Variants in NDUFAF6 observed in about 807,000 individuals in gnomAD.
NDUFAF6 encodes the protein NADH dehydrogenase (ubiquinone) complex I, assembly factor 6.
A neutral mutation model predicts 40.8 loss-of-function variants in NDUFAF6; 45 were observed. That is an observed-to-expected ratio of 1.10 (90% CI 0.87 to 1.42). NDUFAF6 has a LOEUF of 1.42. Among genes scored for constraint, NDUFAF6 ranks in the 40% most tolerant of loss-of-function variants. The probability of loss-of-function intolerance (pLI) is 0.00; values close to 1 mark genes in which losing one functional copy is unlikely to be tolerated. For synonymous variants in NDUFAF6, 185 were observed against 155.9 expected (o/e 1.19, Z -1.39); for missense variants, 435 against 418.5 (o/e 1.04, Z -0.34).
At chr8:95,083,751 G>T (rs1808950519) in intron 2 of NDUFAF6, among the ~76,000 whole-genome samples, 1 of 152,144 alleles carries the variant, frequency 6.6e-6, no homozygotes, top group Non-Finnish European at 1.5e-5. Context: ...ATGATCATAG[G>T]TGGTATTTCT....
upstream of NDUFAF6, among the ~76,000 whole-genome samples, chr8:94,956,279 A>T (rs1323178525): frequency 6.6e-6 from 1 of 152,238 alleles, no homozygotes; most frequent in Non-Finnish European, 1.5e-5. Flanking sequence ...CGTTTGGGCA[A>T]GTGCTATATA....
At chr8:94,930,517 C>T (rs1173056121) in intron 1 of NDUFAF6, 1 of 1,614,194 alleles carries the variant, frequency 6.2e-7, no homozygotes, top group Admixed American at 1.7e-5. Context: ...TGATGAACAA[C>T]CCAGCCATTG....
intron 2 of NDUFAF6, among the ~76,000 whole-genome samples, chr8:95,091,838 G>T (rs559318786): frequency 6.9e-6 from 1 of 144,036 alleles, no homozygotes; most frequent in South Asian, 2.3e-4. Context: ...CAGGGATCTC[G>T]TATGTTGCCC....
At chr8:95,030,123 G>C (rs1038518425) in intron 1 of NDUFAF6, among the ~76,000 whole-genome samples, 1 of 151,848 alleles carries the variant, frequency 6.6e-6, no homozygotes, top group African/African-American at 2.4e-5. Context: ...TTAGTAGTAG[G>C]CATTGTATTG....
At chr8:95,031,466 TTAAAATTA>T (rs1828830264) in intron 1 of NDUFAF6, among the ~76,000 whole-genome samples, 1 of 152,218 alleles carries the variant, frequency 6.6e-6, no homozygotes, top group African/African-American at 2.4e-5. Flanking sequence ...TCTGAAACAG[TTAAAATTA>T]TAAGTACTAC....
intron 1 of NDUFAF6, among the ~76,000 whole-genome samples, chr8:94,980,327 A>T (rs964883532): frequency 2.6e-5 from 4 of 151,438 alleles, no homozygotes; most frequent in African/African-American, 9.7e-5. Flanking sequence ...CATAAGAAAC[A>T]GTTTGTGGGA....
At chr8:94,950,501 G>A (rs1489043305) in intron 2 of NDUFAF6, 2 of 152,244 alleles carry the variant, frequency 1.3e-5, no homozygotes, top group East Asian at 3.8e-4. Flanking sequence ...CTCACATTCT[G>A]ACCCTCACAA....
At chr8:95,033,171 T>C (rs77257477) in intron 2 of NDUFAF6, among the ~76,000 whole-genome samples, 18,611 of 152,134 alleles carry the variant, frequency 0.12, 1,218 homozygotes, top group Middle Eastern at 0.23. Flanking sequence ...GCCTCCCAAG[T>C]AGCTGGAACT....
chr8:95,092,958 C>T (rs12548426), intron 2 of NDUFAF6, among the ~76,000 whole-genome samples: 106,980 of 152,158 alleles, frequency 0.7, 38,396 homozygotes, highest in East Asian at 0.89. Flanking sequence ...AAAATAAAAC[C>T]GGTTTCTCTA....
At chr8:94,942,130 G>A (rs531460365) in intron 1 of NDUFAF6, among the ~76,000 whole-genome samples, 7 of 151,612 alleles carry the variant, frequency 4.6e-5, no homozygotes, top group East Asian at 1.9e-4. Flanking sequence ...TCTGCCTCCC[G>A]GGTTCACGCC....
chr8:94,942,243 T>C (rs995419815), intron 1 of NDUFAF6, among the ~76,000 whole-genome samples: 1 of 152,026 alleles, frequency 6.6e-6, no homozygotes, highest in Non-Finnish European at 1.5e-5. Flanking sequence ...GGTTTCACCA[T>C]GTTAGCCAGG....
intron 1 of NDUFAF6, among the ~76,000 whole-genome samples, chr8:94,905,568 C>T (rs1013099048): frequency 2.6e-5 from 4 of 152,306 alleles, no homozygotes; most frequent in African/African-American, 9.6e-5. Flanking sequence ...CCTGGTCCTT[C>T]CCCAGCCACT....
chr8:94,946,768 G>A (rs1040342052), intron 2 of NDUFAF6, among the ~76,000 whole-genome samples: 8 of 145,066 alleles, frequency 5.5e-5, no homozygotes, highest in Non-Finnish European at 9.0e-5. Context: ...TGCAACCTAT[G>A]TGAATTCAGG....
intron 2 of NDUFAF6, among the ~76,000 whole-genome samples, chr8:95,092,878 C>T (rs34901613): frequency 0.14 from 21,525 of 152,268 alleles, 1,829 homozygotes; most frequent in Non-Finnish European, 0.2. Flanking sequence ...CCACCGCTCC[C>T]GGCCTGCTGA....
rs1293185347 is a variant in NDUFAF6 at position 95,025,048 on chromosome 8, C to A, written c.40C>A (p.Arg14=). The A allele has an allele frequency of 4.9e-6, 7 of 1,419,288 alleles. No individual in the cohort carries two copies. The highest frequency in any genetic ancestry group is 6.4e-6 in the Non-Finnish European group (7 of 1,099,160). 87.9% of individuals were successfully genotyped at this position (1,419,288 alleles called of 1,614,324 possible). A position where few individuals can be genotyped will look rare whatever the true frequency, so the allele number is the denominator to read the frequency against. The part of the protein sequence containing the change: ...SAHGSVWGPL[R]LGIPGLCCRR... ...GCACGGCTCTGTCTGGGGGCCGTTG[C>A]GGCTTGGCATCCCCGGCCTGTGCTG... Residue 14 remains arginine, a synonymous_variant, in exon 1 of 9, where the codon CGG becomes AGG. Coordinates refer to ENST00000396124, the MANE Select transcript of NDUFAF6 (RefSeq NM_152416.4).
intron 2 of NDUFAF6, among the ~76,000 whole-genome samples, chr8:95,094,463 A>C (rs1483965533): frequency 1.5e-5 from 2 of 129,260 alleles, no homozygotes; most frequent in African/African-American, 6.0e-5. Flanking sequence ...CCCAGGCTGG[A>C]GTGCAGTGGC....
At chr8:95,099,607 A>G (rs1362240382), upstream of NDUFAF6, among the ~76,000 whole-genome samples, 4 of 152,154 alleles carry the variant, frequency 2.6e-5, no homozygotes, top group Non-Finnish European at 4.4e-5. Context: ...AAAAGAAAGA[A>G]AAAGAATAAA....
chr8:95,049,015 G>A (rs1248424741), intron 7 of NDUFAF6, among the ~76,000 whole-genome samples: 2 of 152,094 alleles, frequency 1.3e-5, no homozygotes, highest in Non-Finnish European at 2.9e-5. Flanking sequence ...CCTTCTGTTG[G>A]TATTTTTCTC....
intron 1 of NDUFAF6, among the ~76,000 whole-genome samples, chr8:94,914,498 T>C (rs1818996774): frequency 6.6e-6 from 1 of 152,198 alleles, no homozygotes; most frequent in Non-Finnish European, 1.5e-5. Flanking sequence ...TGGCCAACAA[T>C]AGTGGCACAC....
Sources: allele counts gnomAD v4.1 joint callset (sites outside exome capture counted in the v4.1 genomes callset), GRCh38; gene constraint gnomAD v4.1.1; transcripts MANE v1.5; gene names NCBI Gene and HGNC (gene_info 2026-07-23, HGNC 2026-07-21).